The following KBTBD3 variants were observed in gnomAD, a reference collection of about 807,000 sequenced individuals.
KBTBD3 encodes kelch repeat and BTB domain containing 3, also known as kelch repeat and BTB domain-containing protein 3.
A neutral mutation model predicts 49.6 loss-of-function variants in KBTBD3; 38 were observed. The ratio of observed to expected loss-of-function variants is 0.77; its 90% CI spans 0.59 to 1.00. The LOEUF is 1.00. Ranked by LOEUF, KBTBD3 falls within the 50% of genes least tolerant of loss-of-function variation. The probability of loss-of-function intolerance (pLI) is 0.00; values close to 1 mark genes in which losing one functional copy is unlikely to be tolerated. For missense variants in KBTBD3, 661 were observed against 712.0 expected, an observed-to-expected ratio of 0.93 and a Z score of 0.81; for synonymous variants, 214 against 250.4, an observed-to-expected ratio of 0.85 and a Z score of 1.37.
chr11:106,063,973 G>A (rs545692744), intron 2 of KBTBD3, among the ~76,000 whole-genome samples: 1 of 152,248 alleles, frequency 6.6e-6, no homozygotes, highest in East Asian at 1.9e-4. Flanking sequence ...AAAATAAGTG[G>A]AAGTTAAGGC....
intron 2 of KBTBD3, among the ~76,000 whole-genome samples, chr11:106,065,520 G>A (rs1860791964): frequency 6.6e-6 from 1 of 152,200 alleles, no homozygotes; most frequent in African/African-American, 2.4e-5. Flanking sequence ...TAAGGGAAGA[G>A]AATTTCAAGT....
Position 106,053,460 on chromosome 11 carries a change from C to T in KBTBD3, c.1229G>A (p.Gly410Glu), listed in dbSNP as rs1860471561. The T allele has an allele frequency of 6.2e-7, 1 of 1,613,488 alleles. No homozygotes were observed. Among genetic ancestry groups the T allele is most frequent in the Non-Finnish European group, 8.5e-7 (1 of 1,179,824 alleles). Residue 410 changes from glycine to glutamate, a missense_variant, in exon 4 of 4, where the codon GGA becomes GAA. Physicochemically the swap from Gly to Glu is moderately conservative, Grantham distance 98 (BLOSUM62 -2). Coordinates refer to ENST00000531837, the MANE Select transcript of KBTBD3 (RefSeq NM_198439.3). Reference protein sequence around the residue: ...MALDRLFVIGGKTRGSRDIKS... With the variant: ...MALDRLFVIGEKTRGSRDIKS... ...AATGTCCCGGGATCCTCTAGTTTTT[C>T]CACCTATGACAAATAATCTATCGAG...
At position 106,076,671 on chromosome 11, in the gene KBTBD3, T is replaced by G. The variant is rs1045171217; in HGVS notation, c.-177A>C. 6.6e-6 allele frequency: 1 copy of G among 152,316 alleles called. No homozygotes were observed. Among genetic ancestry groups the G allele is most frequent in the East Asian group, 1.9e-4 (1 of 5,176 alleles). The allele number at this position is 152,316 out of a possible 1,614,324, so 9.4% of individuals were successfully genotyped here. ...TGCAGGGCACTTGGATCGCGTGGGC[T>G]TTCATACGAGAGTCAACAACAGCCT... is the stretch of plus-strand genomic sequence containing the variant. On this transcript the variant is annotated 5_prime_UTR_variant, in exon 2 of 4. Coordinates refer to ENST00000531837, the MANE Select transcript of KBTBD3 (RefSeq NM_198439.3).
At chr11:106,068,485 G>A (rs1860854090) in intron 2 of KBTBD3, among the ~76,000 whole-genome samples, 2 of 152,124 alleles carry the variant, frequency 1.3e-5, no homozygotes, top group Admixed American at 1.3e-4. Context: ...TGTGTATGAT[G>A]CAGCTAAAAT....
In KBTBD3 at chr11:106,051,944, G is replaced by C. The variant is rs1305017323; in HGVS notation, c.*906C>G. The C allele has an allele frequency of 6.6e-6, 1 of 151,814 alleles. No individual in the cohort carries two copies. The highest frequency in any genetic ancestry group is 1.5e-5 in the Non-Finnish European group (1 of 67,802). The allele number at this position is 151,814 out of a possible 1,614,324, so 9.4% of individuals were successfully genotyped here. ...TAGCTGAAATTTGGATAAAGCTTAAGAAATGCCATAATAATGATCCACTTA... is the reference window on the plus strand; with the variant it reads ...TAGCTGAAATTTGGATAAAGCTTAACAAATGCCATAATAATGATCCACTTA... On this transcript the variant is annotated 3_prime_UTR_variant, in exon 4 of 4. Coordinates refer to ENST00000531837, the MANE Select transcript of KBTBD3 (RefSeq NM_198439.3).
chr11:106,070,561 T>A (rs568604367), intron 2 of KBTBD3, among the ~76,000 whole-genome samples: 7 of 152,188 alleles, frequency 4.6e-5, no homozygotes, highest in African/African-American at 1.7e-4. Flanking sequence ...TAACCATCTA[T>A]CAAAATAGCT....
Position 106,066,160 on chromosome 11 carries a change from T to C in KBTBD3, c.-12-7051A>G, listed in dbSNP as rs114662063. Reference sequence around the variant, plus strand: ...TCTACATCCACATCATACAGCAAAATGTTTTGGACCTTTAAACCAATAAAT... The same window carrying C: ...TCTACATCCACATCATACAGCAAAACGTTTTGGACCTTTAAACCAATAAAT... On this transcript the variant is annotated intron_variant, in intron 2 of 3. Transcript: ENST00000531837. Among the ~76,000 whole-genome samples, 321 of 152,220 alleles carry C rather than the reference T, an allele frequency of 2.1e-3. 3 individuals carry two copies. Among genetic ancestry groups the C allele is most frequent in the African/African-American group, 7.4e-3 (308 of 41,522 alleles).
intron 2 of KBTBD3, among the ~76,000 whole-genome samples, chr11:106,069,462 T>C (rs1432481250): frequency 1.4e-5 from 2 of 147,140 alleles, no homozygotes; most frequent in Non-Finnish European, 3.0e-5. Context: ...AATAAACACA[T>C]AGAAACAAAA....
Position 106,053,691 on chromosome 11 carries a change from G to C in KBTBD3, c.998C>G (p.Pro333Arg). Reference sequence around the variant, plus strand: ...TCCGTAACTCGAAAGACTAGATCCTGGCAAATCAATCAGGTGTGATTGCGG... The same window carrying C: ...TCCGTAACTCGAAAGACTAGATCCTCGCAAATCAATCAGGTGTGATTGCGG... ...ILPQSHLIDL[P>R]GSSLSSYGEK... Residue 333 changes from proline (P) to arginine (R), a missense_variant, in exon 4 of 4, where the codon CCA (proline) becomes CGA (arginine). By Grantham distance (103) the Pro-to-Arg change is moderately radical (BLOSUM62 -2). Coordinates refer to ENST00000531837, the MANE Select transcript of KBTBD3 (RefSeq NM_198439.3). The C allele has an allele frequency of 6.2e-7, 1 of 1,613,578 alleles. No individual in the cohort carries two copies. The highest frequency in any genetic ancestry group is 8.5e-7 in the Non-Finnish European group (1 of 1,179,880).
intron 2 of KBTBD3, among the ~76,000 whole-genome samples, chr11:106,059,593 G>A (rs1460974488): frequency 1.3e-5 from 2 of 152,284 alleles, no homozygotes; most frequent in Non-Finnish European, 2.9e-5. Context: ...AAGATAATTG[G>A]TTGAAAAAGA....
At chr11:106,054,843 A>T (rs1227318894) in intron 3 of KBTBD3, among the ~76,000 whole-genome samples, 5 of 152,074 alleles carry the variant, frequency 3.3e-5, no homozygotes. Flanking sequence ...TTAAAATATA[A>T]TTATTTAGGG....
intron 2 of KBTBD3, among the ~76,000 whole-genome samples, chr11:106,061,251 C>G (rs985416700): frequency 5.9e-5 from 9 of 152,158 alleles, no homozygotes; most frequent in African/African-American, 2.2e-4. Flanking sequence ...TCCAAATTGT[C>G]CTACAGCATC....
intron 2 of KBTBD3, among the ~76,000 whole-genome samples, chr11:106,059,331 G>A (rs1205758291): frequency 6.6e-6 from 1 of 152,040 alleles, no homozygotes; most frequent in Non-Finnish European, 1.5e-5. Context: ...TTTTTCATAA[G>A]GGCTAACATT....
intron 2 of KBTBD3, among the ~76,000 whole-genome samples, chr11:106,069,215 T>C (rs1338599435): frequency 1.3e-5 from 2 of 152,082 alleles, no homozygotes; most frequent in African/African-American, 4.8e-5. Context: ...TATTATTCAG[T>C]TTCCAAGTGC....
chr11:106,074,839 G>A (rs1294220726), intron 2 of KBTBD3, among the ~76,000 whole-genome samples: 1 of 152,282 alleles, frequency 6.6e-6, no homozygotes, highest in East Asian at 1.9e-4. Context: ...GATATAGGGA[G>A]TCAAAGAAGA....
intron 2 of KBTBD3, among the ~76,000 whole-genome samples, chr11:106,060,590 T>C (rs1179439962): frequency 6.6e-6 from 1 of 152,154 alleles, no homozygotes; most frequent in Non-Finnish European, 1.5e-5. Context: ...GCTAGCTGTA[T>C]GCAGAAAACT....
chr11:106,053,760 T>C lies in KBTBD3; in HGVS notation c.929A>G (p.Tyr310Cys), dbSNP rs769694349. Reference protein sequence around the residue: ...HKTEENGENQYTFCYNIKSDS... With the variant: ...HKTEENGENQCTFCYNIKSDS... Reference sequence around the variant, plus strand: ...AGATTTAATGTTATAGCAAAATGTATATTGATTTTCTCCATTTTCCTCAGT... The same window carrying C: ...AGATTTAATGTTATAGCAAAATGTACATTGATTTTCTCCATTTTCCTCAGT... The change falls in exon 4 of 4, where the codon TAT becomes TGT. Residue 310 changes from tyrosine to cysteine, a missense_variant. Tyr to Cys is a radical substitution (Grantham distance 194). Transcript: ENST00000531837. 5.0e-6 allele frequency: 8 copies of C among 1,613,720 alleles called. No homozygotes were observed. Among genetic ancestry groups the C allele is most frequent in the Non-Finnish European group, 6.8e-6 (8 of 1,179,800 alleles).
chr11:106,055,368 T>C (rs1158137420), intron 3 of KBTBD3, among the ~76,000 whole-genome samples: 1 of 152,186 alleles, frequency 6.6e-6, no homozygotes, highest in East Asian at 1.9e-4. Context: ...GCAGTGTTCC[T>C]AGTTGCCCAA....
intron 2 of KBTBD3, among the ~76,000 whole-genome samples, chr11:106,060,015 A>G (rs1356049472): frequency 6.6e-6 from 1 of 152,158 alleles, no homozygotes; most frequent in Non-Finnish European, 1.5e-5. Flanking sequence ...CTTTCATACA[A>G]CTACAGGCAA....
Sources: allele counts gnomAD v4.1 joint callset (sites outside exome capture counted in the v4.1 genomes callset), GRCh38; gene constraint gnomAD v4.1.1; transcripts MANE v1.5; gene names NCBI Gene and HGNC (gene_info 2026-07-23, HGNC 2026-07-21).